Variants in TSPEAR observed in about 807,000 individuals in gnomAD.
TSPEAR encodes the protein thrombospondin type laminin G domain and EAR repeats.
A neutral mutation model predicts 71.6 loss-of-function variants in TSPEAR; 69 were observed. The ratio of observed to expected loss-of-function variants is 0.96; its 90% CI spans 0.79 to 1.18. The LOEUF (loss-of-function observed/expected upper bound fraction) is 1.18, where lower values mean the gene tolerates loss of function less well. Among genes scored for constraint, TSPEAR ranks in the 50% most tolerant of loss-of-function variants. The pLI is 0.00. For synonymous variants in TSPEAR, 402 were observed against 387.2 expected (o/e 1.04, Z -0.45); for missense variants, 971 against 894.9 (o/e 1.09, Z -1.09).
In TSPEAR at chr21:44,525,660, G is replaced by T. The variant is rs781914151; in HGVS notation, c.1329C>A (p.His443Gln). The change falls in exon 8 of 12, where the codon CAC becomes CAA. Residue 443 changes from histidine (H) to glutamine (Q), a missense_variant. Coordinates refer to ENST00000323084, the MANE Select transcript of TSPEAR (RefSeq NM_144991.3). ...DGEHFLAVAN[H>Q]REGDNHNIDS... Reference sequence around the variant, plus strand: ...AGGCCACTCCTGCCCTACCTTCCCGGTGGTTGGCCACCGCCAGGAAGTGCT... The same window carrying T: ...AGGCCACTCCTGCCCTACCTTCCCGTTGGTTGGCCACCGCCAGGAAGTGCT... 9.9e-6 allele frequency: 16 copies of T among 1,613,992 alleles called. No homozygotes were observed. Among genetic ancestry groups the T allele is most frequent in the Non-Finnish European group, 1.4e-5 (16 of 1,180,010 alleles).
intron 1 of TSPEAR, among the ~76,000 whole-genome samples, chr21:44,629,978 G>A (rs587671479): frequency 5.3e-5 from 8 of 152,294 alleles, no homozygotes; most frequent in South Asian, 4.1e-4. Context: ...CAGGGCTGTC[G>A]CGGGGGTCAG....
At chr21:44,685,670 A>G (rs1328628590) in intron 1 of TSPEAR, among the ~76,000 whole-genome samples, 3 of 152,212 alleles carry the variant, frequency 2.0e-5, no homozygotes, top group East Asian at 3.9e-4. Context: ...TGATGTTTTC[A>G]TCCATCTTCT....
chr21:44,666,360 T>G, intron 1 of TSPEAR: 1 of 1,407,778 alleles, frequency 7.1e-7, no homozygotes, highest in Non-Finnish European at 9.7e-7. Flanking sequence ...CTGCACCATG[T>G]GCAGAAGACC....
intron 1 of TSPEAR, among the ~76,000 whole-genome samples, chr21:44,572,830 T>G (rs1978288702): frequency 1.6e-5 from 2 of 124,978 alleles, no homozygotes; most frequent in Non-Finnish European, 3.3e-5. Context: ...AAAGGGGAGA[T>G]TTGGACACAC....
In TSPEAR at chr21:44,521,935, G is replaced by A. The variant is rs782338346; in HGVS notation, c.1514C>T (p.Ser505Leu). ...GCCCAGGAGTCGGATGTAGAGGTGC[G>A]AGTGCACCTTGGTGGAGGTGCCGTT... Reference protein sequence around the residue: ...TFNGTSTKVHSHLYIRLLGSF... With the variant: ...TFNGTSTKVHLHLYIRLLGSF... Residue 505 changes from serine to leucine, a missense_variant, in exon 9 of 12, where the codon TCG becomes TTG. By Grantham distance (145) the Ser-to-Leu change is moderately radical. Coordinates refer to ENST00000323084, the MANE Select transcript of TSPEAR (RefSeq NM_144991.3). 1.1e-5 allele frequency: 18 copies of A among 1,613,952 alleles called. No individual in the cohort carries two copies. The highest frequency in any genetic ancestry group is 8.0e-5 in the African/African-American group (6 of 74,926).
chr21:44,702,922 G>T, intron 1 of TSPEAR: 1 of 581,892 alleles, frequency 1.7e-6, no homozygotes, highest in South Asian at 2.0e-5. Flanking sequence ...CAAGCTGGCT[G>T]ACCTCATACC....
chr21:44,590,161 C>T (rs1979676005), intron 1 of TSPEAR, among the ~76,000 whole-genome samples: 1 of 152,244 alleles, frequency 6.6e-6, no homozygotes, highest in South Asian at 2.1e-4. Flanking sequence ...GTGCTGGTCG[C>T]CTCTGGCGTT....
chr21:44,614,532 G>T (rs1601488253), intron 1 of TSPEAR, among the ~76,000 whole-genome samples: 2 of 152,228 alleles, frequency 1.3e-5, no homozygotes, highest in African/African-American at 4.8e-5. Flanking sequence ...TCTCCTCCCA[G>T]TTCCAGGCTC....
At chr21:44,511,827 C>T (rs1314999525) in intron 9 of TSPEAR, among the ~76,000 whole-genome samples, 1 of 152,234 alleles carries the variant, frequency 6.6e-6, no homozygotes, top group Non-Finnish European at 1.5e-5. Flanking sequence ...TGTAGCAGCC[C>T]AGGGTGATGG....
rs587710166 is a variant in TSPEAR at position 44,569,119 on chromosome 21, G to A, written c.83-1114C>T. Among the ~76,000 whole-genome samples the A allele has an allele frequency of 8.3e-4, 127 of 152,316 alleles. 1 individual carries two copies. In the Middle Eastern group the frequency reaches 0.014, roughly 16 times the overall value. ...GCACAGCCCTTCCTTGCACCGCCAC[G>A]TGCATCGCAGTGCCACAGCTGCAGT... is the stretch of plus-strand genomic sequence containing the variant. On this transcript the variant is annotated intron_variant, in intron 1 of 11. Coordinates refer to ENST00000323084, the MANE Select transcript of TSPEAR (RefSeq NM_144991.3).
intron 2 of TSPEAR, among the ~76,000 whole-genome samples, chr21:44,544,209 G>A (rs189731948): frequency 1.1e-4 from 16 of 152,182 alleles, no homozygotes; most frequent in Middle Eastern, 3.4e-3. Flanking sequence ...TTAGTGAAGG[G>A]TCTATTTAAG....
rs782092761 is a variant in TSPEAR, at chr21:44,627,808, T to C, written c.83-59803A>G. On this transcript the variant is annotated intron_variant, in intron 1 of 11. Coordinates refer to ENST00000323084, the MANE Select transcript of TSPEAR (RefSeq NM_144991.3). ...GGCTTCCTCTTTGTGCTGCCAGCAG[T>C]CTGGCTGCCAGCCGGCTTGCTGCAC... 1.0e-5 allele frequency: 16 copies of C among 1,605,462 alleles called. No individual in the cohort carries two copies. In the Admixed American group the frequency reaches 1.4e-4, roughly 14 times the overall value.
At position 44,558,517 on chromosome 21, in the gene TSPEAR, A is replaced by G. The variant is rs781815858; in HGVS notation, c.303+9268T>C. ...CAGGAGCTGGTGCAGCCTGACTGGC[A>G]GGGGCTGGGCTCACAGGCCGCCTGG... On this transcript the variant is annotated intron_variant, in intron 2 of 11. Transcript: ENST00000323084. 9 of 1,613,512 alleles carry G rather than the reference A, an allele frequency of 5.6e-6. No individual in the cohort carries two copies. In the South Asian group the frequency reaches 8.8e-5, roughly 16 times the overall value.
intron 3 of TSPEAR, among the ~76,000 whole-genome samples, chr21:44,532,294 T>C (rs2052989162): frequency 6.6e-6 from 1 of 152,252 alleles, no homozygotes; most frequent in Admixed American, 6.5e-5. Context: ...GGTGAACGTT[T>C]GTCCAGGCCT....
At chr21:44,556,713 A>C (rs893728824) in intron 2 of TSPEAR, among the ~76,000 whole-genome samples, 1 of 152,200 alleles carries the variant, frequency 6.6e-6, no homozygotes, top group Non-Finnish European at 1.5e-5. Flanking sequence ...AAGTTGCTCC[A>C]GGGATTCCAG....
intron 5 of TSPEAR, 59 bp downstream of exon 5, chr21:44,529,739 G>A: frequency 6.3e-7 from 1 of 1,598,892 alleles, no homozygotes; most frequent in Non-Finnish European, 8.5e-7. Context: ...CCCGCCTGGT[G>A]TGAGGCCAGG....
chr21:44,579,865 G>A, intron 1 of TSPEAR: 1 of 1,598,388 alleles, frequency 6.3e-7, no homozygotes. Flanking sequence ...CACAGCAGGA[G>A]GAGATGGGCA....
intron 1 of TSPEAR, chr21:44,697,051 C>G: frequency 3.4e-6 from 4 of 1,181,380 alleles, no homozygotes; most frequent in Non-Finnish European, 4.7e-6. Context: ...CCCTCCTGCC[C>G]ATCCAGCACC....
At chr21:44,597,420 T>TTTTC in intron 1 of TSPEAR, among the ~76,000 whole-genome samples, 1 of 147,844 alleles carries the variant, frequency 6.8e-6, no homozygotes, top group Non-Finnish European at 1.5e-5. Context: ...CTCTTTTTCT[T>TTTTC]TTTCTTTCTT....
Sources: gnomAD v4.1 joint callset for allele counts (sites outside exome capture counted in the v4.1 genomes callset) on GRCh38, gnomAD v4.1.1 for gene constraint, MANE v1.5 for transcripts, NCBI Gene and HGNC (gene_info 2026-07-23, HGNC 2026-07-21) for gene names.